The following PTPRQ variants were observed in gnomAD, a reference collection of about 807,000 sequenced individuals.
The protein encoded by PTPRQ is protein tyrosine phosphatase receptor type Q, also known as phosphatidylinositol phosphatase PTPRQ.
In PTPRQ, 199 loss-of-function variants were observed where a neutral mutation model predicts 246.0. The observed-to-expected ratio is 0.81, with a 90% confidence interval of 0.72 to 0.91. PTPRQ has a LOEUF of 0.91. PTPRQ is among the 40% of genes least tolerant of loss of function. The probability of loss-of-function intolerance (pLI) is 0.00; values close to 1 mark genes in which losing one functional copy is unlikely to be tolerated. For synonymous variants in PTPRQ, 869 were observed against 853.2 expected (o/e 1.02, Z -0.32); for missense variants, 2,624 against 2,528.4 (o/e 1.04, Z -0.81).
intron 17 of PTPRQ, among the ~76,000 whole-genome samples, chr12:80,517,181 A>G (rs1895329271): frequency 6.6e-6 from 1 of 152,162 alleles, no homozygotes; most frequent in Non-Finnish European, 1.5e-5. Context: ...AGTGTTAAAA[A>G]AATGAGTAGA....
intron 33 of PTPRQ, among the ~76,000 whole-genome samples, chr12:80,627,842 G>A (rs897535706): frequency 6.6e-6 from 1 of 152,072 alleles, no homozygotes; most frequent in African/African-American, 2.4e-5. Context: ...TACTGTTAAT[G>A]CTCTGTGGGT....
chr12:80,454,075 G>A (rs1425930334), intron 3 of PTPRQ, among the ~76,000 whole-genome samples: 4 of 96,764 alleles, frequency 4.1e-5, no homozygotes, highest in African/African-American at 6.4e-5. Context: ...GGGCAATGGC[G>A]GGTGCCCCTC....
At chr12:80,526,030 T>A (rs569699791) in intron 17 of PTPRQ, 2 of 152,230 alleles carry the variant, frequency 1.3e-5, no homozygotes, top group South Asian at 4.1e-4. Context: ...GCATCAAAAA[T>A]CTAGAGGAGA....
In PTPRQ at chr12:80,494,970, T is replaced by C; in HGVS notation, c.1578T>C (p.Ala526=). The change falls in exon 11 of 45, where the codon GCT becomes GCC. Residue 526 remains alanine, a synonymous_variant. Coordinates refer to ENST00000644991, the MANE Select transcript of PTPRQ (RefSeq NM_001145026.2). ...TRNQYITDIA[A]EQLSYVIRRL... is the part of the protein sequence containing the mutation. ...ATCAGTATATTACTGACATTGCAGC[T>C]GAACAGCTGTCTTATGTTATCAGGA... 1 of 1,550,010 alleles carries C rather than the reference T, an allele frequency of 6.5e-7. No homozygotes were observed. The highest frequency in any genetic ancestry group is 8.7e-7 in the Non-Finnish European group (1 of 1,145,920).
Position 80,610,505 on chromosome 12 carries a change from A to G in PTPRQ, c.4798A>G (p.Lys1600Glu), listed in dbSNP as rs1334887934. Residue 1600 changes from lysine (K) to glutamate (E), a missense_variant, in exon 28 of 45, where the codon AAA becomes GAA. By Grantham distance (56) the Lys-to-Glu change is moderately conservative. Coordinates refer to ENST00000644991, the MANE Select transcript of PTPRQ (RefSeq NM_001145026.2). The stretch of plus-strand genomic sequence containing the variant: ...TGAAGAAAATAAAACCATAGAAATT[A>G]AAGATTTAGAAATATTCACAAGGTA... ...SNEENKTIEI[K>E]DLEIFTRYSV... The G allele has an allele frequency of 1.3e-6, 2 of 1,532,744 alleles. No homozygotes were observed. Among genetic ancestry groups the G allele is most frequent in the Non-Finnish European group, 1.8e-6 (2 of 1,135,974 alleles). 94.9% of individuals were successfully genotyped at this position (1,532,744 alleles called of 1,614,324 possible). A position where few individuals can be genotyped will look rare whatever the true frequency, so the allele number is the denominator to read the frequency against.
At chr12:80,535,957 A>T (rs1389638474) in intron 19 of PTPRQ, among the ~76,000 whole-genome samples, 3 of 152,124 alleles carry the variant, frequency 2.0e-5, no homozygotes, top group Non-Finnish European at 4.4e-5. Context: ...AATACAAAAA[A>T]TTAGCCAGGC....
At chr12:80,644,301 T>G (rs1333892357) in intron 35 of PTPRQ, among the ~76,000 whole-genome samples, 2 of 152,194 alleles carry the variant, frequency 1.3e-5, no homozygotes, top group East Asian at 3.8e-4. Flanking sequence ...AAGATTCGTG[T>G]AATAAAAAGT....
chr12:80,610,379 G>A (rs1592714483), intron 27 of PTPRQ, 60 bp from the exon 28 acceptor site: 4 of 1,384,602 alleles, frequency 2.9e-6, no homozygotes, highest in Non-Finnish European at 3.8e-6. Context: ...GTATTATTAT[G>A]TTTTGGTGAC....
intron 15 of PTPRQ, 122 bp from the exon 16 acceptor site, chr12:80,506,447 G>A (rs773812263): frequency 5.7e-5 from 51 of 887,764 alleles, no homozygotes; most frequent in Non-Finnish European, 8.1e-5. Flanking sequence ...GCCAAAGAAT[G>A]ACATTTTCAC....
intron 33 of PTPRQ, among the ~76,000 whole-genome samples, chr12:80,628,300 G>A (rs1433426414): frequency 6.6e-6 from 1 of 152,078 alleles, no homozygotes; most frequent in Admixed American, 6.6e-5. Context: ...GCTGATAACT[G>A]TTTTAAATTC....
At chr12:80,461,287 C>A (rs989155798) in intron 6 of PTPRQ, among the ~76,000 whole-genome samples, 1 of 152,146 alleles carries the variant, frequency 6.6e-6, no homozygotes, top group African/African-American at 2.4e-5. Flanking sequence ...GCAGAACGAG[C>A]ATGTGATCAA....
intron 17 of PTPRQ, among the ~76,000 whole-genome samples, chr12:80,525,076 T>G (rs138281708): frequency 6.6e-6 from 1 of 152,334 alleles, no homozygotes; most frequent in East Asian, 1.9e-4. Flanking sequence ...ATTGGTGGAC[T>G]GTATCTATTA....
At chr12:80,475,597 C>G (rs1215700354) in intron 8 of PTPRQ, among the ~76,000 whole-genome samples, 1 of 151,870 alleles carries the variant, frequency 6.6e-6, no homozygotes, top group Non-Finnish European at 1.5e-5. Flanking sequence ...GATCAAGTAT[C>G]TTTTTAAAGA....
chr12:80,477,625 T>A (rs1393026941), intron 8 of PTPRQ, among the ~76,000 whole-genome samples: 1 of 152,092 alleles, frequency 6.6e-6, no homozygotes, highest in African/African-American at 2.4e-5. Flanking sequence ...GGTACCGGGT[T>A]CATCTCACTA....
At chr12:80,623,855 C>T (rs543790881) in intron 33 of PTPRQ, among the ~76,000 whole-genome samples, 5 of 152,182 alleles carry the variant, frequency 3.3e-5, no homozygotes, top group East Asian at 1.9e-4. Context: ...AGGGGGGGAG[C>T]GCCAAGCATC....
intron 8 of PTPRQ, among the ~76,000 whole-genome samples, chr12:80,476,599 A>G (rs1308687047): frequency 6.6e-6 from 1 of 152,320 alleles, no homozygotes; most frequent in East Asian, 1.9e-4. Flanking sequence ...GCATAATTAT[A>G]TTTGCTCATT....
Position 80,576,813 on chromosome 12 carries a change from G to A in PTPRQ, c.4286-11316G>A, listed in dbSNP as rs547090032. On this transcript the variant is annotated intron_variant, in intron 25 of 44. Transcript: ENST00000644991. Reference sequence around the variant, plus strand: ...CAGGAATTCTCCCAAATTCCTTTACGTGACCCATTATGCTAACACAAACCT... The same window carrying A: ...CAGGAATTCTCCCAAATTCCTTTACATGACCCATTATGCTAACACAAACCT... Among the ~76,000 whole-genome samples the A allele has an allele frequency of 5.3e-4, 80 of 152,034 alleles. 1 individual carries two copies. Among genetic ancestry groups the A allele is most frequent in the African/African-American group, 1.7e-3 (72 of 41,446 alleles).
chr12:80,676,399 T>C (rs150029606), intron 43 of PTPRQ, among the ~76,000 whole-genome samples: 2 of 152,184 alleles, frequency 1.3e-5, no homozygotes, highest in African/African-American at 4.8e-5. Flanking sequence ...TCCCAGCACT[T>C]TGGGAGGCCA....
intron 25 of PTPRQ, among the ~76,000 whole-genome samples, chr12:80,564,194 A>G (rs955101054): frequency 6.6e-6 from 1 of 152,020 alleles, no homozygotes; most frequent in East Asian, 1.9e-4. Flanking sequence ...TGCACCCACT[A>G]TCTCGTCATC....
Sources: allele counts gnomAD v4.1 joint callset (sites outside exome capture counted in the v4.1 genomes callset), GRCh38; gene constraint gnomAD v4.1.1; transcripts MANE v1.5; gene names NCBI Gene and HGNC (gene_info 2026-07-23, HGNC 2026-07-21).